The following CDC42BPA variants were observed in gnomAD, a reference collection of about 807,000 sequenced individuals.
CDC42BPA encodes CDC42 binding protein kinase alpha, also known as serine/threonine-protein kinase MRCK alpha.
CDC42BPA carries 80 observed loss-of-function variants against 223.5 expected under a neutral mutation model. The observed-to-expected ratio is 0.36, with a 90% CI of 0.30 to 0.43. CDC42BPA has a LOEUF of 0.43. Ranked by LOEUF, CDC42BPA falls within the 20% of genes least tolerant of loss-of-function variation. The pLI, the probability that CDC42BPA is intolerant of heterozygous loss-of-function variation, is 1.00. For synonymous variants in CDC42BPA, 694 were observed against 718.6 expected, an observed-to-expected ratio of 0.97 and a Z score of 0.55; for missense variants, 1,743 against 2,099.9, an observed-to-expected ratio of 0.83 and a Z score of 3.32.
intron 10 of CDC42BPA, among the ~76,000 whole-genome samples, chr1:227,134,875 G>C (rs6690771): frequency 0.72 from 109,021 of 152,130 alleles, 39,265 homozygotes; most frequent in South Asian, 0.86. Flanking sequence ...GTCATAAGGG[G>C]ATGGACTAGG....
intron 14 of CDC42BPA, among the ~76,000 whole-genome samples, chr1:227,106,534 C>T (rs1685965460): frequency 6.6e-6 from 1 of 152,064 alleles, no homozygotes; most frequent in South Asian, 2.1e-4. Context: ...TTTTGTCTGG[C>T]TCTGGTATTC....
At chr1:227,311,728 A>AGG (rs1693576420) in intron 1 of CDC42BPA, among the ~76,000 whole-genome samples, 1 of 151,332 alleles carries the variant, frequency 6.6e-6, no homozygotes, top group Non-Finnish European at 1.5e-5. Flanking sequence ...CCAATCATAA[A>AGG]AAAAAAAAAT....
intron 24 of CDC42BPA, among the ~76,000 whole-genome samples, chr1:227,038,642 G>T (rs1455468356): frequency 6.6e-6 from 1 of 152,180 alleles, no homozygotes; most frequent in Non-Finnish European, 1.5e-5. Context: ...CTTCCTACTT[G>T]TTGGGTGCCA....
chr1:227,212,908 C>T (rs1033567685), intron 3 of CDC42BPA, among the ~76,000 whole-genome samples: 1 of 152,072 alleles, frequency 6.6e-6, no homozygotes, highest in African/African-American at 2.4e-5. Flanking sequence ...ATAAGCCCCC[C>T]ATTACAAGGG....
intron 2 of CDC42BPA, among the ~76,000 whole-genome samples, chr1:227,217,276 A>T (rs1003725448): frequency 2.0e-5 from 3 of 151,662 alleles, no homozygotes; most frequent in African/African-American, 7.3e-5. Context: ...ATGAAACCCC[A>T]TCTCTACTAA....
At chr1:227,118,274 C>T (rs769557857) in intron 12 of CDC42BPA, among the ~76,000 whole-genome samples, 1 of 152,096 alleles carries the variant, frequency 6.6e-6, no homozygotes, top group Non-Finnish European at 1.5e-5. Context: ...AGACGACATA[C>T]AAATGGCCAA....
intron 3 of CDC42BPA, among the ~76,000 whole-genome samples, chr1:227,200,441 C>CAA (rs1377118005): frequency 1.9e-4 from 3 of 15,894 alleles, no homozygotes; most frequent in Non-Finnish European, 3.3e-4. Flanking sequence ...AAAAAACAAA[C>CAA]AAACAAAAAA....
intron 1 of CDC42BPA, among the ~76,000 whole-genome samples, chr1:227,257,823 A>T (rs938746761): frequency 1.3e-5 from 2 of 150,602 alleles, no homozygotes; most frequent in Non-Finnish European, 2.9e-5. Context: ...AACCTTTTTT[A>T]AAAAAAATTA....
intron 1 of CDC42BPA, among the ~76,000 whole-genome samples, chr1:227,286,581 C>T (rs886638943): frequency 6.6e-5 from 10 of 152,254 alleles, no homozygotes; most frequent in East Asian, 3.9e-4. Context: ...TTCCAACCTC[C>T]GTACGTTATC....
chr1:227,256,948 G>GACACACACACACACACACACACACAC lies in CDC42BPA; in HGVS notation c.179-2819_179-2794dup, dbSNP rs55961981. 2.1e-4 allele frequency among the ~76,000 whole-genome samples: 29 copies of GACACACACACACACACACACACACAC among 141,108 alleles called. 1 individual carries two copies. The highest frequency in any genetic ancestry group is 1.0e-3 in the East Asian group (5 of 4,780). 92.6% of individuals were successfully genotyped at this position (141,108 alleles called of 152,430 possible). Reference sequence around the variant, plus strand: ...AAACAAAATGTGATATATATATACAGACACACACACACACACACACACACA... The same window carrying GACACACACACACACACACACACACAC: ...AAACAAAATGTGATATATATATACAGACACACACACACACACACACACACACACACACACACACACACACACACACA... On this transcript the variant is annotated intron_variant, in intron 1 of 36. Transcript: ENST00000366766.
At chr1:227,084,400 T>G (rs916081453) in intron 16 of CDC42BPA, among the ~76,000 whole-genome samples, 2 of 152,020 alleles carry the variant, frequency 1.3e-5, no homozygotes, top group Non-Finnish European at 2.9e-5. Context: ...TGGTGGCACA[T>G]GCCTTTAATC....
At chr1:227,278,240 T>A (rs1313020302) in intron 1 of CDC42BPA, among the ~76,000 whole-genome samples, 1 of 152,242 alleles carries the variant, frequency 6.6e-6, no homozygotes, top group Non-Finnish European at 1.5e-5. Flanking sequence ...TGAACACTTT[T>A]AAATTATAAC....
chr1:227,082,245 C>G (rs929217208), intron 16 of CDC42BPA, among the ~76,000 whole-genome samples: 1 of 62,772 alleles, frequency 1.6e-5, no homozygotes, highest in Non-Finnish European at 3.0e-5. Flanking sequence ...GGGGTCTTGG[C>G]ATGTTGCCCA....
At chr1:227,185,741 G>A (rs543903128) in intron 5 of CDC42BPA, among the ~76,000 whole-genome samples, 10 of 83,476 alleles carry the variant, frequency 1.2e-4, no homozygotes, top group Admixed American at 5.9e-4. Flanking sequence ...ACTACTCCAC[G>A]TGTGTCCATG....
intron 2 of CDC42BPA, among the ~76,000 whole-genome samples, chr1:227,239,400 C>G (rs1433837821): frequency 6.6e-6 from 1 of 152,032 alleles, no homozygotes; most frequent in Non-Finnish European, 1.5e-5. Flanking sequence ...AGGAGTGAAC[C>G]CTAAGGTAAA....
intron 21 of CDC42BPA, among the ~76,000 whole-genome samples, chr1:227,054,364 T>C (rs1674147616): frequency 1.3e-5 from 2 of 152,340 alleles, no homozygotes; most frequent in Non-Finnish European, 2.9e-5. Context: ...AAACACATGC[T>C]GACAGAAGTT....
intron 11 of CDC42BPA, among the ~76,000 whole-genome samples, chr1:227,120,329 C>T (rs1241547676): frequency 1.3e-5 from 2 of 152,140 alleles, no homozygotes; most frequent in African/African-American, 2.4e-5. Flanking sequence ...CCGTGTAAGA[C>T]GGTTTTGATT....
At chr1:227,036,036 C>T (rs1391358023) in intron 24 of CDC42BPA, among the ~76,000 whole-genome samples, 1 of 152,166 alleles carries the variant, frequency 6.6e-6, no homozygotes, top group African/African-American at 2.4e-5. Flanking sequence ...TTGGCAAACT[C>T]TACCAATCCT....
intron 1 of CDC42BPA, among the ~76,000 whole-genome samples, chr1:227,266,618 A>G (rs551973699): frequency 8.5e-5 from 13 of 152,348 alleles, no homozygotes; most frequent in African/African-American, 3.1e-4. Context: ...TGCCAAGTTT[A>G]TCACTAGTTT....
Sources: allele counts gnomAD v4.1 joint callset (sites outside exome capture counted in the v4.1 genomes callset), GRCh38; gene constraint gnomAD v4.1.1; transcripts MANE v1.5; gene names NCBI Gene and HGNC (gene_info 2026-07-23, HGNC 2026-07-21).